ASB13: variants seen among roughly 807,000 people sequenced by gnomAD.
ASB13 encodes ankyrin repeat and SOCS box protein 13.
In ASB13, 33 loss-of-function variants were observed where a neutral mutation model predicts 28.8. The ratio of observed to expected loss-of-function variants is 1.15; its 90% CI spans 0.87 to 1.53. The LOEUF is 1.53. ASB13 is among the 40% of genes most tolerant of loss of function. ASB13 has a pLI of 0.00. For missense variants in ASB13, 414 were observed against 390.1 expected, an observed-to-expected ratio of 1.06 and a Z score of -0.52; for synonymous variants, 182 against 172.9, an observed-to-expected ratio of 1.05 and a Z score of -0.41.
In ASB13 at chr10:5,660,248, G is replaced by A. The variant is rs1045564609; in HGVS notation, c.43+6261C>T. The stretch of plus-strand genomic sequence containing the variant: ...GTCACCTTGAGAAGGAATGACACGT[G>A]CTTCAGAACGTTCTCTCCACTCTTC... On this transcript the variant is annotated intron_variant, in intron 1 of 5. Coordinates refer to ENST00000357700, the MANE Select transcript of ASB13 (RefSeq NM_024701.4). The surrounding 1 kb of genome is among the most constrained non-coding windows in gnomAD (Gnocchi z 6.1). Among the ~76,000 whole-genome samples, 28 of 152,216 alleles carry A rather than the reference G, an allele frequency of 1.8e-4. No homozygotes were observed. Among genetic ancestry groups the A allele is most frequent in the Non-Finnish European group, 1.6e-4 (11 of 68,044 alleles).
Position 5,656,263 on chromosome 10 carries a change from G to C in ASB13, c.44-3213C>G, listed in dbSNP as rs983981975. Among the ~76,000 whole-genome samples, 1 of 152,232 alleles carries C rather than the reference G, an allele frequency of 6.6e-6. No homozygotes were observed. Among genetic ancestry groups the C allele is most frequent in the Admixed American group, 6.5e-5 (1 of 15,282 alleles). On this transcript the variant is annotated intron_variant, in intron 1 of 5. Transcript: ENST00000357700. This position sits in a 1 kb window ranked among gnomAD's most constrained non-coding sequence, Gnocchi z 4.3. ...TAAAACCAATTATAAAGTCTGACTG[G>C]TCAAGGTGGTTCAAGCCTGTAATCC...
chr10:5,651,565 G>A lies in ASB13; in HGVS notation c.232-202C>T, dbSNP rs1020736413. 16 of 564,722 alleles carry A rather than the reference G, an allele frequency of 2.8e-5. No homozygotes were observed. The highest frequency in any genetic ancestry group is 4.0e-5 in the Non-Finnish European group (13 of 327,394). The allele number at this position is 564,722 out of a possible 1,614,324, so 35.0% of individuals were successfully genotyped here. A position where few individuals can be genotyped will look rare whatever the true frequency, so the allele number is the denominator to read the frequency against. Reference sequence around the variant, plus strand: ...GCCTCCTGAGTAGAGAAGTCATCTCGTTCAGGATTCTTTTCTCTCAGGGCA... The same window carrying A: ...GCCTCCTGAGTAGAGAAGTCATCTCATTCAGGATTCTTTTCTCTCAGGGCA... On this transcript the variant is annotated intron_variant, in intron 2 of 5. Transcript: ENST00000357700. The surrounding 1 kb of genome is among the most constrained non-coding windows in gnomAD (Gnocchi z 5.1).
At chr10:5,646,836 G>A (rs1588509368) in intron 4 of ASB13, among the ~76,000 whole-genome samples, 1 of 152,138 alleles carries the variant, frequency 6.6e-6, no homozygotes, top group African/African-American at 2.4e-5. Context: ...GCTCATAAAG[G>A]CTTGATATGA....
chr10:5,653,274 C>T (rs1170852595), intron 1 of ASB13, among the ~76,000 whole-genome samples: 1 of 152,216 alleles, frequency 6.6e-6, no homozygotes, highest in Non-Finnish European at 1.5e-5. Flanking sequence ...GGACCCCGCT[C>T]ACCTCCACAG....
chr10:5,656,626 G>A lies in ASB13; in HGVS notation c.44-3576C>T, dbSNP rs558986243. Reference sequence around the variant, plus strand: ...GGCCTTTATCCATTCTTACACAGAGGCTAGGATAATTTTAGAGCATTAAGA... The same window carrying A: ...GGCCTTTATCCATTCTTACACAGAGACTAGGATAATTTTAGAGCATTAAGA... On this transcript the variant is annotated intron_variant, in intron 1 of 5. Transcript: ENST00000357700. This position sits in a 1 kb window ranked among gnomAD's most constrained non-coding sequence, Gnocchi z 4.3. 1.3e-5 allele frequency among the ~76,000 whole-genome samples: 2 copies of A among 152,254 alleles called. No homozygotes were observed. Among genetic ancestry groups the A allele is most frequent in the South Asian group, 2.1e-4 (1 of 4,822 alleles).
rs763483119 is a variant in ASB13, at chr10:5,649,230, C to A, written c.383-126G>T. 3.0e-6 allele frequency: 4 copies of A among 1,325,220 alleles called. No individual in the cohort carries two copies. Among genetic ancestry groups the A allele is most frequent in the South Asian group, 2.6e-5 (2 of 75,578 alleles). 82.1% of individuals were successfully genotyped at this position (1,325,220 alleles called of 1,614,324 possible). The stretch of plus-strand genomic sequence containing the variant: ...AGGGCAGGGAAGCCAGGCAGGCCTG[C>A]GTCCCAACCTAGGGAGGAGTTCATG... On this transcript the variant is annotated intron_variant, in intron 3 of 5. Transcript: ENST00000357700. This position sits in a 1 kb window ranked among gnomAD's most constrained non-coding sequence, Gnocchi z 6.4.
rs1024864371 is a variant in ASB13 at position 5,663,655 on chromosome 10, C to G, written c.43+2854G>C. On this transcript the variant is annotated intron_variant, in intron 1 of 5. Transcript: ENST00000357700. The surrounding 1 kb of genome is among the most constrained non-coding windows in gnomAD (Gnocchi z 4.9). ...AGCAGGCAATGTCTCCCAGGGCTGCCGAGTCGAGGAGGAGGATAGAGGTAC... is the reference window on the plus strand; with the variant it reads ...AGCAGGCAATGTCTCCCAGGGCTGCGGAGTCGAGGAGGAGGATAGAGGTAC... 6.6e-6 allele frequency among the ~76,000 whole-genome samples: 1 copy of G among 152,136 alleles called. No homozygotes were observed. The highest frequency in any genetic ancestry group is 1.5e-5 in the Non-Finnish European group (1 of 68,016).
rs1478594297 is a variant in ASB13, at chr10:5,651,528, G to A, written c.232-165C>T. ...ACTGAAAGAGATAGCACGTGGCTGCGGAGCACCGACGGCCTCCTGAGTAGA... is the reference window on the plus strand; with the variant it reads ...ACTGAAAGAGATAGCACGTGGCTGCAGAGCACCGACGGCCTCCTGAGTAGA... On this transcript the variant is annotated intron_variant, in intron 2 of 5. Coordinates refer to ENST00000357700, the MANE Select transcript of ASB13 (RefSeq NM_024701.4). This position sits in a 1 kb window ranked among gnomAD's most constrained non-coding sequence, Gnocchi z 5.1. The A allele has an allele frequency of 8.2e-6, 6 of 732,896 alleles. No individual in the cohort carries two copies. Among genetic ancestry groups the A allele is most frequent in the South Asian group, 1.9e-5 (1 of 51,326 alleles). 45.4% of individuals were successfully genotyped at this position (732,896 alleles called of 1,614,324 possible).
At position 5,649,181 on chromosome 10, in the gene ASB13, G is replaced by A; in HGVS notation, c.383-77C>T. 1.3e-6 allele frequency: 2 copies of A among 1,583,416 alleles called. No homozygotes were observed. The highest frequency in any genetic ancestry group is 1.7e-6 in the Non-Finnish European group (2 of 1,163,048). On this transcript the variant is annotated intron_variant, in intron 3 of 5. Transcript: ENST00000357700. The surrounding 1 kb of genome is among the most constrained non-coding windows in gnomAD (Gnocchi z 6.4). ...ACAACAAGCACACAGACGCGGCAGGGGCAGCAGCCTCCATCCTTGGTGCAG... is the reference window on the plus strand; with the variant it reads ...ACAACAAGCACACAGACGCGGCAGGAGCAGCAGCCTCCATCCTTGGTGCAG...
rs1339969564 is a variant in ASB13, at chr10:5,644,801, G to A, written c.518-2840C>T. ...CCACTGCACTCCAGCCTGGGTGACA[G>A]AACGAGACTCCATCTCAGAAAAAAA... On this transcript the variant is annotated intron_variant, in intron 4 of 5. Transcript: ENST00000357700. The surrounding 1 kb of genome is among the most constrained non-coding windows in gnomAD (Gnocchi z 5.1). 3.3e-5 allele frequency among the ~76,000 whole-genome samples: 5 copies of A among 151,972 alleles called. No homozygotes were observed. Among genetic ancestry groups the A allele is most frequent in the African/African-American group, 1.2e-4 (5 of 41,342 alleles).
Position 5,649,004 on chromosome 10 carries a change from CT to C in ASB13, c.482del (p.Glu161GlyfsTer16), listed in dbSNP as rs764263257. 1.2e-6 allele frequency: 2 copies of C among 1,614,234 alleles called. No individual in the cohort carries two copies. The highest frequency in any genetic ancestry group is 1.7e-6 in the Non-Finnish European group (2 of 1,180,048). On this transcript the variant is annotated frameshift_variant, in exon 4 of 6. Coordinates refer to ENST00000357700, the MANE Select transcript of ASB13 (RefSeq NM_024701.4). LOFTEE classifies it high-confidence loss of function. The surrounding 1 kb of genome is among the most constrained non-coding windows in gnomAD (Gnocchi z 6.4). The stretch of plus-strand genomic sequence containing the variant: ...GCAGCACTTTGACACAGTCCAGATG[CT>C]CCCGGGCACAGGCAACGTGCAGAGG... ...GTPLHVACAR[E>X]HLDCVKVLLN...
chr10:5,644,984 G>A lies in ASB13; in HGVS notation c.518-3023C>T, dbSNP rs1237956351. Among the ~76,000 whole-genome samples the A allele has an allele frequency of 2.0e-5, 3 of 152,146 alleles. No homozygotes were observed. Among genetic ancestry groups the A allele is most frequent in the African/African-American group, 2.4e-5 (1 of 41,418 alleles). ...GCAGAGACAGAGACACAGAGACAGA[G>A]AGAGACAAAGACAGGGAGCCAGGAA... On this transcript the variant is annotated intron_variant, in intron 4 of 5. Transcript: ENST00000357700. This position sits in a 1 kb window ranked among gnomAD's most constrained non-coding sequence, Gnocchi z 5.1.
chr10:5,640,987 C>T (rs775519244), intron 5 of ASB13, among the ~76,000 whole-genome samples, 157 bp from the exon 6 acceptor site: 42 of 152,080 alleles, frequency 2.8e-4, no homozygotes, highest in African/African-American at 1.7e-4. Flanking sequence ...GCCAGGAACC[C>T]GAGGAAGGGA....
rs961858236 is a variant in ASB13 at position 5,659,035 on chromosome 10, G to A, written c.44-5985C>T. ...GTCAGTGTCCCAGGTGAAAAGAATC[G>A]GGAAGGACAGCTTATGGTCACGGAC... On this transcript the variant is annotated intron_variant, in intron 1 of 5. Transcript: ENST00000357700. This position sits in a 1 kb window ranked among gnomAD's most constrained non-coding sequence, Gnocchi z 5.8. Among the ~76,000 whole-genome samples, 2 of 152,214 alleles carry A rather than the reference G, an allele frequency of 1.3e-5. No homozygotes were observed. The highest frequency in any genetic ancestry group is 1.5e-5 in the Non-Finnish European group (1 of 68,034).
Position 5,650,316 on chromosome 10 carries a change from C to G in ASB13, c.382+897G>C, listed in dbSNP as rs911206653. ...TGCACATGGAGGACCACTAAATGAA[C>G]CTTCCCCAAATTCTGTTTTCCTGAC... On this transcript the variant is annotated intron_variant, in intron 3 of 5. Transcript: ENST00000357700. The surrounding 1 kb of genome is among the most constrained non-coding windows in gnomAD (Gnocchi z 6.0). Among the ~76,000 whole-genome samples, 1 of 152,338 alleles carries G rather than the reference C, an allele frequency of 6.6e-6. No homozygotes were observed. Among genetic ancestry groups the G allele is most frequent in the South Asian group, 2.1e-4 (1 of 4,826 alleles).
At chr10:5,654,558 C>T (rs1483644908) in intron 1 of ASB13, among the ~76,000 whole-genome samples, 1 of 152,220 alleles carries the variant, frequency 6.6e-6, no homozygotes, top group Non-Finnish European at 1.5e-5. Context: ...GATGCAGAAA[C>T]CACGCACGTG....
At position 5,649,686 on chromosome 10, in the gene ASB13, C is replaced by G. The variant is rs928681523; in HGVS notation, c.383-582G>C. ...AATTACAGGCATGCACCACCGTGCC[C>G]GACTAATTTTTTTGTATTTTTAGTA... is the stretch of plus-strand genomic sequence containing the variant. On this transcript the variant is annotated intron_variant, in intron 3 of 5. Transcript: ENST00000357700. The surrounding 1 kb of genome is among the most constrained non-coding windows in gnomAD (Gnocchi z 6.4). Among the ~76,000 whole-genome samples, 9 of 151,706 alleles carry G rather than the reference C, an allele frequency of 5.9e-5. No individual in the cohort carries two copies. Among genetic ancestry groups the G allele is most frequent in the African/African-American group, 2.2e-4 (9 of 41,304 alleles).
intron 5 of ASB13, 99 bp from the exon 6 acceptor site, chr10:5,640,929 T>G: frequency 6.8e-7 from 1 of 1,471,904 alleles, no homozygotes; most frequent in Non-Finnish European, 9.3e-7. Context: ...AACGCCTCCC[T>G]TTCCCCTGGA....
At position 5,641,058 on chromosome 10, in the gene ASB13, AGTTT is replaced by A. The variant is rs1231864545; in HGVS notation, c.710-232_710-229del. Among the ~76,000 whole-genome samples, 1 of 151,194 alleles carries A rather than the reference AGTTT, an allele frequency of 6.6e-6. No homozygotes were observed. The highest frequency in any genetic ancestry group is 2.4e-5 in the African/African-American group (1 of 41,084). ...GGGATTGCCTTTTGTGGGCTTTGGG[AGTTT>A]GTTTGGTTTTGAGGTTTTTTGTTTT... On this transcript the variant is annotated intron_variant, in intron 5 of 5. Coordinates refer to ENST00000357700, the MANE Select transcript of ASB13 (RefSeq NM_024701.4). This position sits in a 1 kb window ranked among gnomAD's most constrained non-coding sequence, Gnocchi z 8.4.
Sources: gnomAD v4.1 joint callset for allele counts (sites outside exome capture counted in the v4.1 genomes callset) on GRCh38, gnomAD v4.1.1 for gene constraint, Gnocchi (gnomAD v3.1) non-coding constraint, MANE v1.5 for transcripts, NCBI Gene and HGNC (gene_info 2026-07-23, HGNC 2026-07-21) for gene names.